IL1RAPL1: variants seen among roughly 807,000 people sequenced by gnomAD.
The protein encoded by IL1RAPL1 is interleukin 1 receptor accessory protein like 1, also known as interleukin-1 receptor accessory protein-like 1.
Under a neutral mutation model 48.4 loss-of-function variants are expected in IL1RAPL1, and 3 were observed. The observed-to-expected ratio is 0.06, with a 90% CI of 0.03 to 0.16. The LOEUF (loss-of-function observed/expected upper bound fraction) is 0.16, where lower values mean the gene tolerates loss of function less well. Ranked by LOEUF, IL1RAPL1 falls within the 10% of genes least tolerant of loss-of-function variation. IL1RAPL1 has a pLI of 1.00. For synonymous variants in IL1RAPL1, 185 were observed against 187.7 expected, an observed-to-expected ratio of 0.99 and a Z score of 0.12; for missense variants, 349 against 530.6, an observed-to-expected ratio of 0.66 and a Z score of 3.36.
At chrX:29,795,767 G>T (rs754607219) in intron 6 of IL1RAPL1, among the ~76,000 whole-genome samples, 5 of 112,803 alleles carry the variant, frequency 4.4e-5, no homozygotes, top group African/African-American at 6.4e-5. Context: ...TAAGAAATGT[G>T]TTGGTTGTTG....
intron 5 of IL1RAPL1, among the ~76,000 whole-genome samples, chrX:29,612,349 A>T (rs892919383): frequency 2.7e-5 from 3 of 110,213 alleles, no homozygotes; most frequent in Non-Finnish European, 5.7e-5. Flanking sequence ...TTTTGCATAC[A>T]AGTTCAGAGG....
intron 2 of IL1RAPL1, among the ~76,000 whole-genome samples, chrX:29,079,117 G>A (rs1602046769): frequency 8.9e-6 from 1 of 111,886 alleles, no homozygotes; most frequent in South Asian, 3.7e-4. Flanking sequence ...GAATGAATTG[G>A]TAGTATTTGC....
chrX:29,622,998 C>T (rs893088635), intron 5 of IL1RAPL1, among the ~76,000 whole-genome samples: 3 of 108,804 alleles, frequency 2.8e-5, no homozygotes, highest in African/African-American at 6.7e-5. Context: ...CAGCCGGGCG[C>T]GGTGGCTCAC....
intron 6 of IL1RAPL1, among the ~76,000 whole-genome samples, chrX:29,751,470 C>T (rs5972849): frequency 0.022 from 2,506 of 111,459 alleles, 62 homozygotes; most frequent in African/African-American, 0.078. Flanking sequence ...GGCCTTTTGG[C>T]TAAGATCAAG....
chrX:29,750,644 C>T (rs938298424), intron 6 of IL1RAPL1, among the ~76,000 whole-genome samples: 2 of 111,483 alleles, frequency 1.8e-5, no homozygotes, highest in African/African-American at 6.5e-5. Flanking sequence ...AATGACGTGG[C>T]ATTTATAATT....
At chrX:29,555,690 A>C (rs765076031) in intron 5 of IL1RAPL1, among the ~76,000 whole-genome samples, 2 of 111,971 alleles carry the variant, frequency 1.8e-5, no homozygotes, top group South Asian at 7.4e-4. Context: ...ATAATGAGTC[A>C]TTTCTGCATC....
chrX:28,980,958 G>T (rs188808348), intron 2 of IL1RAPL1, among the ~76,000 whole-genome samples: 2 of 105,722 alleles, frequency 1.9e-5, no homozygotes, highest in African/African-American at 6.9e-5. Context: ...GGGCATGGTG[G>T]TGCATGCCTG....
At chrX:29,832,705 G>GT (rs67136004) in intron 6 of IL1RAPL1, among the ~76,000 whole-genome samples, 3,324 of 84,865 alleles carry the variant, frequency 0.039, 116 homozygotes, top group African/African-American at 0.094. Context: ...TTTTGTTTTT[G>GT]TTTTTTTTTT....
At chrX:29,910,557 A>T (rs1932747266) in intron 6 of IL1RAPL1, among the ~76,000 whole-genome samples, 3 of 111,594 alleles carry the variant, frequency 2.7e-5, no homozygotes, top group African/African-American at 9.8e-5. Flanking sequence ...AGTTCCTAAA[A>T]CTTGCCAAGT....
At chrX:28,996,138 G>A (rs1261121607) in intron 2 of IL1RAPL1, among the ~76,000 whole-genome samples, 1 of 110,908 alleles carries the variant, frequency 9.0e-6, no homozygotes, top group East Asian at 2.8e-4. Context: ...CCTCAGTCCT[G>A]GGCAACTACC....
At chrX:29,209,412 A>G (rs1263094629) in intron 2 of IL1RAPL1, among the ~76,000 whole-genome samples, 1 of 112,073 alleles carries the variant, frequency 8.9e-6, no homozygotes, top group Non-Finnish European at 1.9e-5. Flanking sequence ...ACTAAGGTTT[A>G]TTATTTGTTA....
At chrX:29,752,070 A>AGTG (rs1569159985) in intron 6 of IL1RAPL1, among the ~76,000 whole-genome samples, 3 of 89,141 alleles carry the variant, frequency 3.4e-5, no homozygotes, top group African/African-American at 1.5e-4. Context: ...ATGTATATAT[A>AGTG]TGTGTGTATG....
intron 1 of IL1RAPL1, among the ~76,000 whole-genome samples, chrX:28,751,625 A>G (rs977911133): frequency 6.2e-5 from 7 of 112,176 alleles, no homozygotes; most frequent in African/African-American, 2.3e-4. Context: ...ATTATAATCA[A>G]TGTTGCTACA....
chrX:29,178,662 T>G (rs145187784), intron 2 of IL1RAPL1, among the ~76,000 whole-genome samples: 3,324 of 111,921 alleles, frequency 0.03, 116 homozygotes, highest in African/African-American at 0.1. Flanking sequence ...AGTCATGAAG[T>G]CCTTGCCCAT....
At chrX:28,921,002 C>A (rs1472694909) in intron 2 of IL1RAPL1, among the ~76,000 whole-genome samples, 1 of 111,051 alleles carries the variant, frequency 9.0e-6, no homozygotes, top group Non-Finnish European at 1.9e-5. Context: ...TTTATTGGGT[C>A]AGGTAAGATG....
chrX:29,952,584 C>A (rs1933340648), intron 9 of IL1RAPL1, among the ~76,000 whole-genome samples: 1 of 112,016 alleles, frequency 8.9e-6, no homozygotes, highest in Non-Finnish European at 1.9e-5. Context: ...TTATTGTGTG[C>A]TTTCATGATT....
chrX:29,202,393 GCTTATC>G lies in IL1RAPL1; in HGVS notation c.83-80543_83-80538del, dbSNP rs199768541. Among the ~76,000 whole-genome samples, 45 of 112,147 alleles carry G rather than the reference GCTTATC, an allele frequency of 4.0e-4. 1 individual carries two copies. The East Asian group carries it at 0.012, about 31-fold the overall frequency. ...GGCAAGGTTATGGAGGAAAGGGAAT[GCTTATC>G]CACTGCTACTGGGAATGTAAATTAC... On this transcript the variant is annotated intron_variant, in intron 2 of 10. Transcript: ENST00000378993.
intron 2 of IL1RAPL1, among the ~76,000 whole-genome samples, chrX:28,997,534 A>G (rs4308905): frequency 0.25 from 27,932 of 110,148 alleles, 3,010 homozygotes; most frequent in East Asian, 0.51. Context: ...AAAAGAGAAA[A>G]TCATCTTTTT....
rs970765441 is a variant in IL1RAPL1 at position 29,312,430 on chromosome X, A to T, written c.362+29213A>T. ...ACAAGAGCAAAACTCCATCTAAAAA[A>T]ACAAAAAGGGTGCCTTTGCATTTTT... On this transcript the variant is annotated intron_variant, in intron 3 of 10. Coordinates refer to ENST00000378993, the MANE Select transcript of IL1RAPL1 (RefSeq NM_014271.4). Among the ~76,000 whole-genome samples, 3 of 111,625 alleles carry T rather than the reference A, an allele frequency of 2.7e-5. No individual in the cohort carries two copies. The East Asian group carries it at 8.5e-4, about 32-fold the overall frequency.
Sources: allele counts gnomAD v4.1 joint callset (sites outside exome capture counted in the v4.1 genomes callset), GRCh38; gene constraint gnomAD v4.1.1; transcripts MANE v1.5; gene names NCBI Gene and HGNC (gene_info 2026-07-23, HGNC 2026-07-21).